ENTHD1: variants seen among roughly 807,000 people sequenced by gnomAD.
The protein encoded by ENTHD1 is ENTH domain-containing protein 1.
ENTHD1 carries 23 observed loss-of-function variants against 39.1 expected under a neutral mutation model. The ratio of observed to expected loss-of-function variants is 0.59; its 90% confidence interval spans 0.42 to 0.83. ENTHD1 has a LOEUF of 0.83. ENTHD1 is among the 40% of genes least tolerant of loss of function. The probability of loss-of-function intolerance (pLI) is 0.00; values close to 1 mark genes in which losing one functional copy is unlikely to be tolerated. For synonymous variants in ENTHD1, 230 were observed against 258.2 expected (o/e 0.89, Z 1.05); for missense variants, 624 against 705.4 (o/e 0.88, Z 1.31).
chr22:39,851,549 T>TA (rs2066039916), intron 3 of ENTHD1, among the ~76,000 whole-genome samples: 1 of 152,222 alleles, frequency 6.6e-6, no homozygotes, highest in African/African-American at 2.4e-5. Flanking sequence ...TTGCTTGTCT[T>TA]AAACTGGTGA....
chr22:39,888,898 T>G (rs2066405318), intron 1 of ENTHD1, among the ~76,000 whole-genome samples: 1 of 152,110 alleles, frequency 6.6e-6, no homozygotes, highest in Non-Finnish European at 1.5e-5. Context: ...TGAGAGTAAT[T>G]AAAATGGGGG....
intron 2 of ENTHD1, chr22:39,875,158 G>T (rs1460771814): frequency 4.1e-6 from 2 of 486,168 alleles, no homozygotes; most frequent in East Asian, 8.6e-5. Flanking sequence ...ATGATATTCT[G>T]ATATACATAA....
At chr22:39,814,675 CAATA>C (rs1362860295) in intron 5 of ENTHD1, among the ~76,000 whole-genome samples, 1 of 152,134 alleles carries the variant, frequency 6.6e-6, no homozygotes. Context: ...ACAGACTTTT[CAATA>C]AATGATTCTG....
In ENTHD1 at chr22:39,821,068, C is replaced by T. The variant is rs1404832061; in HGVS notation, c.757G>A (p.Ala253Thr). The change falls in exon 5 of 7, where the codon GCA (alanine) becomes ACA (threonine). Residue 253 changes from alanine (A) to threonine (T), a missense_variant. Transcript: ENST00000325157. ...LDDDPELPLL[A>T]TPPSIVSPIT... ...GGAGAGACAATGGAAGGAGGTGTTG[C>T]TAGTAAAGGCAGCTCTGGATCATCA... is the stretch of plus-strand genomic sequence containing the variant. 1 of 1,613,930 alleles carries T rather than the reference C, an allele frequency of 6.2e-7. No homozygotes were observed. The highest frequency in any genetic ancestry group is 1.3e-5 in the African/African-American group (1 of 74,914).
At chr22:39,789,881 A>G (rs1305151034) in intron 5 of ENTHD1, among the ~76,000 whole-genome samples, 1 of 152,102 alleles carries the variant, frequency 6.6e-6, no homozygotes. Context: ...TGACTGTTTT[A>G]TATAGGGTGA....
intron 6 of ENTHD1, among the ~76,000 whole-genome samples, chr22:39,762,110 A>G (rs2065238253): frequency 6.6e-6 from 1 of 152,200 alleles, no homozygotes; most frequent in Non-Finnish European, 1.5e-5. Context: ...TTCAAACTCC[A>G]GTAAGCAAAA....
intron 5 of ENTHD1, among the ~76,000 whole-genome samples, chr22:39,773,801 A>T (rs984465995): frequency 6.6e-6 from 1 of 152,246 alleles, no homozygotes; most frequent in Non-Finnish European, 1.5e-5. Flanking sequence ...CTAAGCAACT[A>T]CAAATTTAGG....
chr22:39,871,350 A>C (rs2066242618), intron 2 of ENTHD1, among the ~76,000 whole-genome samples: 1 of 152,218 alleles, frequency 6.6e-6, no homozygotes. Context: ...CAGGTAACTT[A>C]CTATGTGACT....
intron 4 of ENTHD1, among the ~76,000 whole-genome samples, chr22:39,831,973 A>G (rs2146669692): frequency 6.6e-6 from 1 of 152,238 alleles, no homozygotes; most frequent in East Asian, 1.9e-4. Flanking sequence ...GTACAAATGG[A>G]TATACTTAAG....
At chr22:39,865,863 C>T (rs973226835) in intron 2 of ENTHD1, among the ~76,000 whole-genome samples, 3 of 152,012 alleles carry the variant, frequency 2.0e-5, no homozygotes, top group Admixed American at 2.0e-4. Flanking sequence ...CAAAGGAAGC[C>T]AAGACTGGAA....
chr22:39,861,350 G>A (rs1248004018), intron 3 of ENTHD1, among the ~76,000 whole-genome samples: 1 of 152,118 alleles, frequency 6.6e-6, no homozygotes, highest in East Asian at 1.9e-4. Flanking sequence ...GACCAGCCTG[G>A]GCAACATGCT....
chr22:39,791,171 TTA>T lies in ENTHD1; in HGVS notation c.833-25564_833-25563del, dbSNP rs565160198. The stretch of plus-strand genomic sequence containing the variant: ...CTGGTAGAGTCTAAAGTTATATATA[TTA>T]TATATATATATAATTTTAAAGATAT... On this transcript the variant is annotated intron_variant, in intron 5 of 6. Transcript: ENST00000325157. Among the ~76,000 whole-genome samples, 39 of 147,414 alleles carry T rather than the reference TTA, an allele frequency of 2.6e-4. 1 individual carries two copies. In the South Asian group the frequency reaches 6.8e-3, roughly 26 times the overall value.
At chr22:39,775,928 C>T (rs568986564) in intron 5 of ENTHD1, among the ~76,000 whole-genome samples, 5 of 152,260 alleles carry the variant, frequency 3.3e-5, no homozygotes, top group Admixed American at 6.5e-5. Context: ...GGCAGGTTCT[C>T]ATTCTGTCAC....
At chr22:39,831,946 A>C (rs2065872639) in intron 4 of ENTHD1, among the ~76,000 whole-genome samples, 1 of 152,244 alleles carries the variant, frequency 6.6e-6, no homozygotes, top group African/African-American at 2.4e-5. Flanking sequence ...AAATAAAAAC[A>C]GGCAGATATG....
chr22:39,777,836 T>C (rs1050889058), intron 5 of ENTHD1, among the ~76,000 whole-genome samples: 21 of 152,202 alleles, frequency 1.4e-4, no homozygotes, highest in African/African-American at 4.8e-4. Context: ...AAATGAAAGC[T>C]GAAAATGTCT....
intron 2 of ENTHD1, among the ~76,000 whole-genome samples, chr22:39,883,856 A>C (rs1276685341): frequency 1.3e-5 from 1 of 78,716 alleles, no homozygotes. Context: ...TCTGTCCCAC[A>C]AAAAAAAAAA....
At chr22:39,762,191 CT>C (rs996491826) in intron 6 of ENTHD1, among the ~76,000 whole-genome samples, 7 of 152,194 alleles carry the variant, frequency 4.6e-5, no homozygotes, top group African/African-American at 1.7e-4. Flanking sequence ...TGGGGTCCCC[CT>C]ATACGTATAG....
At chr22:39,791,084 G>A (rs927783986) in intron 5 of ENTHD1, among the ~76,000 whole-genome samples, 1 of 151,340 alleles carries the variant, frequency 6.6e-6, no homozygotes, top group East Asian at 1.9e-4. Flanking sequence ...TATTTTATTA[G>A]TAGTATCCAC....
At chr22:39,842,479 C>T (rs1254959791) in intron 3 of ENTHD1, among the ~76,000 whole-genome samples, 1 of 152,194 alleles carries the variant, frequency 6.6e-6, no homozygotes, top group Non-Finnish European at 1.5e-5. Context: ...CGCTTCATTT[C>T]ATTCATTTCA....
Sources: gnomAD v4.1 joint callset for allele counts (sites outside exome capture counted in the v4.1 genomes callset) on GRCh38, gnomAD v4.1.1 for gene constraint, MANE v1.5 for transcripts, NCBI Gene and HGNC (gene_info 2026-07-23, HGNC 2026-07-21) for gene names.